The following TBC1D4 variants were observed in gnomAD, a reference collection of about 807,000 sequenced individuals.
The protein encoded by TBC1D4 is TBC1 domain family member 4.
TBC1D4 carries 121 observed loss-of-function variants against 142.5 expected under a neutral mutation model. The observed-to-expected ratio is 0.85, with a 90% CI of 0.73 to 0.99. TBC1D4 has a LOEUF of 0.99. TBC1D4 is among the 50% of genes least tolerant of loss of function. TBC1D4 has a pLI of 0.00. For synonymous variants in TBC1D4, 630 were observed against 628.2 expected, an observed-to-expected ratio of 1.00 and a Z score of -0.04; for missense variants, 1,475 against 1,606.6, an observed-to-expected ratio of 0.92 and a Z score of 1.40.
chr13:75,421,758 A>G (rs1438032500), intron 1 of TBC1D4, among the ~76,000 whole-genome samples: 1 of 152,228 alleles, frequency 6.6e-6, no homozygotes, highest in Non-Finnish European at 1.5e-5. Context: ...ATAACGAAGT[A>G]CTTTAAAAGT....
intron 11 of TBC1D4, among the ~76,000 whole-genome samples, chr13:75,323,435 G>A (rs1878951104): frequency 6.6e-6 from 1 of 151,950 alleles, no homozygotes; most frequent in Non-Finnish European, 1.5e-5. Flanking sequence ...CTTTCTAGAG[G>A]CTGCAGCACC....
At chr13:75,365,541 C>T (rs1010029524) in intron 1 of TBC1D4, among the ~76,000 whole-genome samples, 13 of 152,216 alleles carry the variant, frequency 8.5e-5, no homozygotes, top group African/African-American at 2.9e-4. Context: ...AGAAACAATG[C>T]AAGAGAAATA....
intron 1 of TBC1D4, among the ~76,000 whole-genome samples, chr13:75,458,294 C>A (rs973305946): frequency 1.3e-5 from 2 of 152,120 alleles, no homozygotes; most frequent in African/African-American, 4.8e-5. Context: ...CTCCAACCAC[C>A]CCCAGCCGAA....
chr13:75,421,221 C>A (rs1235972651), intron 1 of TBC1D4, among the ~76,000 whole-genome samples: 1 of 152,194 alleles, frequency 6.6e-6, no homozygotes, highest in East Asian at 1.9e-4. Flanking sequence ...TGCCTCAGAA[C>A]AGTGACCATC....
chr13:75,389,409 T>C (rs537656448), intron 1 of TBC1D4, among the ~76,000 whole-genome samples: 77 of 152,356 alleles, frequency 5.1e-4, no homozygotes, highest in African/African-American at 1.7e-3. Flanking sequence ...CCACATCTTT[T>C]TTCTGTGTAC....
chr13:75,338,809 C>T (rs9543904), intron 7 of TBC1D4, among the ~76,000 whole-genome samples: 2,243 of 152,334 alleles, frequency 0.015, 25 homozygotes, highest in Non-Finnish European at 0.023. Context: ...TCATCCCCTG[C>T]CCCACTCTCG....
At position 75,325,159 on chromosome 13, in the gene TBC1D4, A is replaced by G. The variant is rs9543902; in HGVS notation, c.2034-758T>C. On this transcript the variant is annotated intron_variant, in intron 10 of 20. Coordinates refer to ENST00000377636, the MANE Select transcript of TBC1D4 (RefSeq NM_014832.5). ...AAAAAAGAGTTCTATTGCCTTGAGT[A>G]AATATATATGAAGTGATCATTTAAA... 5.6e-3 allele frequency among the ~76,000 whole-genome samples: 856 copies of G among 152,298 alleles called. 7 individuals are homozygous for G. Among genetic ancestry groups the G allele is most frequent in the Non-Finnish European group, 8.4e-3 (571 of 68,010 alleles).
intron 1 of TBC1D4, among the ~76,000 whole-genome samples, chr13:75,423,490 T>G (rs1886250294): frequency 6.6e-6 from 1 of 152,080 alleles, no homozygotes; most frequent in Admixed American, 6.6e-5. Flanking sequence ...AGTTTTCCCT[T>G]AAAACTGGGG....
intron 8 of TBC1D4, among the ~76,000 whole-genome samples, chr13:75,334,693 C>T (rs572506959): frequency 2.0e-5 from 3 of 152,116 alleles, no homozygotes; most frequent in African/African-American, 7.2e-5. Flanking sequence ...CAGTGATTCT[C>T]GTGCCTCAGC....
At chr13:75,437,618 A>G (rs909033934) in intron 1 of TBC1D4, among the ~76,000 whole-genome samples, 2 of 151,508 alleles carry the variant, frequency 1.3e-5, no homozygotes, top group African/African-American at 4.9e-5. Context: ...TTTTTAGAGA[A>G]TGGAGCTATT....
chr13:75,354,599 T>C (rs1881884144), intron 4 of TBC1D4, among the ~76,000 whole-genome samples: 1 of 151,982 alleles, frequency 6.6e-6, no homozygotes, highest in Admixed American at 6.6e-5. Flanking sequence ...TTTAGAAAGG[T>C]AGCAGAGTGG....
chr13:75,406,209 T>C (rs944388361), intron 1 of TBC1D4, among the ~76,000 whole-genome samples: 1 of 152,218 alleles, frequency 6.6e-6, no homozygotes, highest in South Asian at 2.1e-4. Flanking sequence ...GAGAAACACA[T>C]CTGAGAAGCC....
At chr13:75,338,812 C>T (rs760847322) in intron 7 of TBC1D4, among the ~76,000 whole-genome samples, 1 of 152,176 alleles carries the variant, frequency 6.6e-6, no homozygotes, top group South Asian at 2.1e-4. Flanking sequence ...TCCCCTGCCC[C>T]ACTCTCGTCT....
intron 10 of TBC1D4, 54 bp from the exon 11 acceptor site, chr13:75,324,455 T>G (rs1879050924): frequency 6.3e-7 from 1 of 1,596,212 alleles, no homozygotes; most frequent in Non-Finnish European, 8.6e-7. Context: ...GACAAAATCT[T>G]CATTCACTAT....
chr13:75,334,703 C>A (rs1880051247), intron 8 of TBC1D4, among the ~76,000 whole-genome samples: 1 of 151,986 alleles, frequency 6.6e-6, no homozygotes, highest in African/African-American at 2.4e-5. Flanking sequence ...CGTGCCTCAG[C>A]CTCCTGAGTA....
At chr13:75,317,709 G>A (rs1465486692) in intron 12 of TBC1D4, among the ~76,000 whole-genome samples, 1 of 152,072 alleles carries the variant, frequency 6.6e-6, no homozygotes, top group Non-Finnish European at 1.5e-5. Flanking sequence ...ACCTCTATCA[G>A]AAATTGACAA....
intron 12 of TBC1D4, among the ~76,000 whole-genome samples, chr13:75,314,569 A>G (rs964650608): frequency 6.6e-6 from 1 of 152,242 alleles, no homozygotes; most frequent in African/African-American, 2.4e-5. Context: ...GTGATACTTT[A>G]GAAAGTACAG....
rs781599656 is a variant in TBC1D4 at position 75,353,379 on chromosome 13, G to T, written c.1275+2768C>A. Among the ~76,000 whole-genome samples, 22 of 152,186 alleles carry T rather than the reference G, an allele frequency of 1.4e-4. 1 individual carries two copies. Among genetic ancestry groups the T allele is most frequent in the Admixed American group, 1.4e-3 (22 of 15,282 alleles). ...AGCACCTAGAAAATGATTGCCTGAAGTTCAGAGTAATGCAGTCATTCAATC... is the reference window on the plus strand; with the variant it reads ...AGCACCTAGAAAATGATTGCCTGAATTTCAGAGTAATGCAGTCATTCAATC... On this transcript the variant is annotated intron_variant, in intron 4 of 20. Transcript: ENST00000377636.
In TBC1D4 at chr13:75,322,452, T is replaced by C. The variant is rs941869039; in HGVS notation, c.2198+1785A>G. Among the ~76,000 whole-genome samples, 7 of 152,162 alleles carry C rather than the reference T, an allele frequency of 4.6e-5. No homozygotes were observed. In the East Asian group the frequency reaches 5.8e-4, roughly 13 times the overall value. Reference sequence around the variant, plus strand: ...AAAATCCTTCTATTAGAATGAGGTATAGAGGGCTTTGGGAAGCTATTGGCA... The same window carrying C: ...AAAATCCTTCTATTAGAATGAGGTACAGAGGGCTTTGGGAAGCTATTGGCA... On this transcript the variant is annotated intron_variant, in intron 11 of 20. Coordinates refer to ENST00000377636, the MANE Select transcript of TBC1D4 (RefSeq NM_014832.5).
Sources: allele counts gnomAD v4.1 joint callset (sites outside exome capture counted in the v4.1 genomes callset), GRCh38; gene constraint gnomAD v4.1.1; transcripts MANE v1.5; gene names NCBI Gene and HGNC (gene_info 2026-07-23, HGNC 2026-07-21).